PCGF5: variants seen among roughly 807,000 people sequenced by gnomAD.
PCGF5 encodes polycomb group RING finger protein 5.
Under a neutral mutation model 44.3 loss-of-function variants are expected in PCGF5, and 9 were observed. That is an observed-to-expected ratio of 0.20 (90% CI 0.12 to 0.35). The LOEUF is 0.35. Among genes scored for constraint, PCGF5 ranks in the 10% least tolerant of loss-of-function variants. The pLI is 1.00. For missense variants in PCGF5, 146 were observed against 305.3 expected (o/e 0.48, Z 3.89); for synonymous variants, 95 against 102.5 (o/e 0.93, Z 0.44).
At chr10:91,170,240 T>G (rs530151369) in intron 1 of PCGF5, among the ~76,000 whole-genome samples, 232 of 152,304 alleles carry the variant, frequency 1.5e-3, no homozygotes, top group African/African-American at 5.4e-3. Context: ...TATGACATCA[T>G]AGGCACAGCC....
At chr10:91,213,954 T>G (rs2133257244) in intron 1 of PCGF5, among the ~76,000 whole-genome samples, 1 of 152,294 alleles carries the variant, frequency 6.6e-6, no homozygotes, top group East Asian at 1.9e-4. Context: ...GGTCATATTC[T>G]TTGAAGGTAT....
chr10:91,230,637 A>G (rs1373955230), intron 2 of PCGF5, among the ~76,000 whole-genome samples: 2 of 152,028 alleles, frequency 1.3e-5, no homozygotes, highest in Non-Finnish European at 2.9e-5. Context: ...ACAGGGTCTC[A>G]CTCTGTCGCC....
At chr10:91,271,134 T>TCTAATATATATATAA (rs1261948823) in intron 8 of PCGF5, among the ~76,000 whole-genome samples, 1 of 142,888 alleles carries the variant, frequency 7.0e-6, no homozygotes. Context: ...ATATATATAA[T>TCTAATATATATATAA]CAGCAATATA....
intron 2 of PCGF5, among the ~76,000 whole-genome samples, chr10:91,229,284 GGACA>G (rs2133305261): frequency 6.6e-6 from 1 of 152,228 alleles, no homozygotes; most frequent in Non-Finnish European, 1.5e-5. Context: ...CATTCTAATA[GGACA>G]GACAGACAAT....
chr10:91,275,747 C>A (rs146564114), intron 9 of PCGF5, among the ~76,000 whole-genome samples: 1 of 152,062 alleles, frequency 6.6e-6, no homozygotes, highest in Non-Finnish European at 1.5e-5. Flanking sequence ...GCCACTGCGC[C>A]CAGCCAGAAC....
chr10:91,163,481 G>A (rs1252224240), intron 1 of PCGF5, among the ~76,000 whole-genome samples: 2 of 151,984 alleles, frequency 1.3e-5, no homozygotes, highest in Non-Finnish European at 2.9e-5. Context: ...AGTTTGTGAC[G>A]CTCGCGGCTT....
At chr10:91,262,613 C>T (rs1001569892) in intron 7 of PCGF5, among the ~76,000 whole-genome samples, 17 of 152,006 alleles carry the variant, frequency 1.1e-4, no homozygotes, top group Admixed American at 4.6e-4. Flanking sequence ...TTGAGGAAGC[C>T]GCTGATCCTG....
intron 5 of PCGF5, among the ~76,000 whole-genome samples, chr10:91,249,433 C>T (rs905778303): frequency 7.3e-6 from 1 of 136,404 alleles, no homozygotes; most frequent in Non-Finnish European, 1.6e-5. Flanking sequence ...ATAAAATCTA[C>T]ACAAAGGGAT....
chr10:91,201,624 C>A (rs1844253780), intron 1 of PCGF5, among the ~76,000 whole-genome samples: 1 of 152,112 alleles, frequency 6.6e-6, no homozygotes, highest in Admixed American at 6.6e-5. Flanking sequence ...TTCTGAGAAA[C>A]CCCAAGGCAG....
intron 3 of PCGF5, among the ~76,000 whole-genome samples, chr10:91,245,275 G>A (rs1845430070): frequency 6.6e-6 from 1 of 152,138 alleles, no homozygotes; most frequent in Non-Finnish European, 1.5e-5. Flanking sequence ...TTGTTCATGG[G>A]TACAAGTAAG....
At chr10:91,166,377 T>C (rs1255654809) in intron 1 of PCGF5, among the ~76,000 whole-genome samples, 1 of 152,092 alleles carries the variant, frequency 6.6e-6, no homozygotes, top group African/African-American at 2.4e-5. Context: ...GATAAATGGG[T>C]TTTAAGTTGA....
At chr10:91,266,477 G>A (rs1038019126) in intron 8 of PCGF5, among the ~76,000 whole-genome samples, 10 of 152,106 alleles carry the variant, frequency 6.6e-5, no homozygotes, top group Admixed American at 1.3e-4. Flanking sequence ...TTTTTTGGTT[G>A]TTTAAGGCAT....
chr10:91,175,376 C>T (rs896819436), intron 1 of PCGF5, among the ~76,000 whole-genome samples: 4 of 152,176 alleles, frequency 2.6e-5, no homozygotes, highest in African/African-American at 9.7e-5. Context: ...ATAGGTAATT[C>T]AGTCAGGACT....
chr10:91,275,744 C>T (rs1564659831), intron 9 of PCGF5, among the ~76,000 whole-genome samples: 1 of 151,932 alleles, frequency 6.6e-6, no homozygotes, highest in South Asian at 2.1e-4. Context: ...TGAGCCACTG[C>T]GCCCAGCCAG....
At chr10:91,235,467 G>T (rs912619988) in intron 2 of PCGF5, among the ~76,000 whole-genome samples, 2 of 152,150 alleles carry the variant, frequency 1.3e-5, no homozygotes, top group African/African-American at 4.8e-5. Context: ...ACTTTGAGAG[G>T]CTGAGGCAGG....
At position 91,186,399 on chromosome 10, in the gene PCGF5, C is replaced by A. The variant is rs79245633; in HGVS notation, c.-184+23318C>A. On this transcript the variant is annotated intron_variant, in intron 1 of 9. Transcript: ENST00000614189. ...AAGAGATGAAGGAATATAAAAGCTG[C>A]ATGATTTCACAAGGTTGGAAGTCTT... Among the ~76,000 whole-genome samples, 1,446 of 152,206 alleles carry A rather than the reference C, an allele frequency of 9.5e-3. 25 individuals are homozygous for A. Among genetic ancestry groups the A allele is most frequent in the African/African-American group, 0.033 (1,367 of 41,520 alleles).
chr10:91,156,316 G>T, the PCGF5 span, among the ~76,000 whole-genome samples: 1 of 152,116 alleles, frequency 6.6e-6, no homozygotes, highest in East Asian at 1.9e-4. Flanking sequence ...TTTTAGCATC[G>T]TCAGCAGGCA....
chr10:91,223,051 C>A (rs1363504945), intron 2 of PCGF5, 68 bp downstream of exon 2: 1 of 1,063,832 alleles, frequency 9.4e-7, no homozygotes, highest in South Asian at 1.4e-5. Flanking sequence ...TTAAAATTGC[C>A]ATGTTTTGTT....
chr10:91,157,906 A>G, the PCGF5 span, among the ~76,000 whole-genome samples: 2 of 152,238 alleles, frequency 1.3e-5, no homozygotes, highest in African/African-American at 4.8e-5. Flanking sequence ...TAGAGGAAGC[A>G]TGTAAATGAA....
Sources: gnomAD v4.1 joint callset for allele counts (sites outside exome capture counted in the v4.1 genomes callset) on GRCh38, gnomAD v4.1.1 for gene constraint, MANE v1.5 for transcripts, NCBI Gene and HGNC (gene_info 2026-07-23, HGNC 2026-07-21) for gene names.